TGFA: variants seen among roughly 807,000 people sequenced by gnomAD.
The protein encoded by TGFA is protransforming growth factor alpha.
TGFA carries 12 observed loss-of-function variants against 21.7 expected under a neutral mutation model. The observed-to-expected ratio is 0.55, with a 90% CI of 0.35 to 0.90. The LOEUF (loss-of-function observed/expected upper bound fraction) is 0.90. Ranked by LOEUF, TGFA falls within the 40% of genes least tolerant of loss-of-function variation. The pLI is 0.01. For missense variants in TGFA, 178 were observed against 210.8 expected (o/e 0.84, Z 0.96); for synonymous variants, 79 against 88.1 (o/e 0.90, Z 0.58).
chr2:70,497,380 T>C (rs1230611078), intron 2 of TGFA, among the ~76,000 whole-genome samples: 3 of 152,232 alleles, frequency 2.0e-5, no homozygotes, highest in Non-Finnish European at 4.4e-5. Flanking sequence ...GATCTTAACT[T>C]AGGAGGCTCA....
At chr2:70,528,091 T>C (rs1432790163) in intron 1 of TGFA, among the ~76,000 whole-genome samples, 3 of 152,220 alleles carry the variant, frequency 2.0e-5, no homozygotes, top group Non-Finnish European at 4.4e-5. Flanking sequence ...CTATGAATTC[T>C]ACCCTGCTGA....
Position 70,448,942 on chromosome 2 carries a change from A to G in TGFA, c.*1917T>C, listed in dbSNP as rs902908695. On this transcript the variant is annotated 3_prime_UTR_variant, in exon 6 of 6. Coordinates refer to ENST00000295400, the MANE Select transcript of TGFA (RefSeq NM_003236.4). ...TCTCTTGGATGCTAACTACTGATTG[A>G]TAGAGGTCTAAAAACCAGTGTCCGT... The G allele has an allele frequency of 6.6e-6, 1 of 152,210 alleles. No individual in the cohort carries two copies. Among genetic ancestry groups the G allele is most frequent in the Admixed American group, 6.5e-5 (1 of 15,284 alleles). The allele number at this position is 152,210 out of a possible 1,614,324, so 9.4% of individuals were successfully genotyped here.
chr2:70,491,233 C>T (rs782224095), intron 2 of TGFA, among the ~76,000 whole-genome samples: 2 of 152,210 alleles, frequency 1.3e-5, no homozygotes, highest in African/African-American at 4.8e-5. Flanking sequence ...GGCTATTCAG[C>T]AGCCAGGTAT....
intron 1 of TGFA, among the ~76,000 whole-genome samples, chr2:70,548,326 TAGAGG>T (rs1290989968): frequency 6.6e-6 from 1 of 151,988 alleles, no homozygotes; most frequent in African/African-American, 2.4e-5. Context: ...CTCAAACTGA[TAGAGG>T]AGAGAGGTTA....
chr2:70,507,146 A>G (rs1381865158), intron 2 of TGFA, among the ~76,000 whole-genome samples: 1 of 152,214 alleles, frequency 6.6e-6, no homozygotes, highest in Non-Finnish European at 1.5e-5. Flanking sequence ...CCCATGCTCT[A>G]GAAACAGCCG....
chr2:70,508,366 A>C (rs1299904604), intron 2 of TGFA, among the ~76,000 whole-genome samples: 1 of 152,200 alleles, frequency 6.6e-6, no homozygotes, highest in Non-Finnish European at 1.5e-5. Flanking sequence ...AATCGCTTGA[A>C]TCTGGGAGGC....
rs1278928201 is a variant in TGFA at position 70,550,373 on chromosome 2, A to G, written c.40+3355T>C. On this transcript the variant is annotated intron_variant, in intron 1 of 5. Coordinates refer to ENST00000295400, the MANE Select transcript of TGFA (RefSeq NM_003236.4). ...CAGTTTTATTATTCCCACTTTACAG[A>G]TGACAAAACTGGAACTTAGTGCTAA... Among the ~76,000 whole-genome samples, 5 of 152,148 alleles carry G rather than the reference A, an allele frequency of 3.3e-5. No individual in the cohort carries two copies. In the East Asian group the frequency reaches 9.6e-4, roughly 29 times the overall value.
At chr2:70,491,688 C>T (rs782129508) in intron 2 of TGFA, among the ~76,000 whole-genome samples, 8 of 152,240 alleles carry the variant, frequency 5.3e-5, no homozygotes, top group Non-Finnish European at 1.0e-4. Flanking sequence ...ACTGTTGGCA[C>T]TGCCTTTATT....
chr2:70,459,248 A>G (rs1553491121), intron 3 of TGFA, among the ~76,000 whole-genome samples: 1 of 152,212 alleles, frequency 6.6e-6, no homozygotes, highest in Non-Finnish European at 1.5e-5. Flanking sequence ...ATTTCATTTA[A>G]ATAAAATAGT....
chr2:70,534,727 C>G (rs936217229), intron 1 of TGFA, among the ~76,000 whole-genome samples: 3 of 152,108 alleles, frequency 2.0e-5, no homozygotes, highest in Non-Finnish European at 4.4e-5. Flanking sequence ...CTGGGAAGGG[C>G]AGTATTTCTT....
At chr2:70,453,351 T>C (rs1670121457) in intron 4 of TGFA, 24 bp from the exon 5 acceptor site, 1 of 1,607,116 alleles carries the variant, frequency 6.2e-7, no homozygotes, top group African/African-American at 1.3e-5. Flanking sequence ...GAGGACCCAG[T>C]CTGGGCAGGA....
intron 1 of TGFA, among the ~76,000 whole-genome samples, chr2:70,542,508 A>G (rs1673163234): frequency 6.6e-6 from 1 of 152,242 alleles, no homozygotes. Context: ...AGAAGTGCTG[A>G]TTTTAAAAAC....
In TGFA at chr2:70,494,267, G is replaced by A. The variant is rs188875679; in HGVS notation, c.94+20592C>T. Among the ~76,000 whole-genome samples, 10 of 152,266 alleles carry A rather than the reference G, an allele frequency of 6.6e-5. No individual in the cohort carries two copies. The East Asian group carries it at 1.9e-3, about 29-fold the overall frequency. ...ATCCAAGATACTCTTCCCATTTCAA[G>A]GTCCTTAACCCCACCTGCAAAGTCC... On this transcript the variant is annotated intron_variant, in intron 2 of 5. Transcript: ENST00000295400.
rs59567780 is a variant in TGFA, at chr2:70,521,613, G to GT, written c.41-6702dup. On this transcript the variant is annotated intron_variant, in intron 1 of 5. Coordinates refer to ENST00000295400, the MANE Select transcript of TGFA (RefSeq NM_003236.4). Reference sequence around the variant, plus strand: ...TTGATAGTTTTTTTTGTTGTTGTTTGTTTGTTTTTTTTTTTTTTTTTTTTT... The same window carrying GT: ...TTGATAGTTTTTTTTGTTGTTGTTTGTTTTGTTTTTTTTTTTTTTTTTTTTT... 3.3e-3 allele frequency among the ~76,000 whole-genome samples: 244 copies of GT among 73,988 alleles called. 7 individuals carry two copies. The highest frequency in any genetic ancestry group is 5.7e-3 in the Admixed American group (30 of 5,248). 48.5% of individuals were successfully genotyped at this position (73,988 alleles called of 152,430 possible).
intron 1 of TGFA, among the ~76,000 whole-genome samples, 153 bp from the exon 2 acceptor site, chr2:70,515,065 A>C (rs1306914938): frequency 2.0e-5 from 3 of 152,198 alleles, no homozygotes; most frequent in African/African-American, 7.2e-5. Flanking sequence ...TGTGGATATC[A>C]GTGCAAAATG....
At chr2:70,547,774 TATGTA>T (rs1673356283) in intron 1 of TGFA, among the ~76,000 whole-genome samples, 1 of 147,728 alleles carries the variant, frequency 6.8e-6, no homozygotes, top group African/African-American at 2.5e-5. Context: ...ATATGCTATA[TATGTA>T]ATATAGTATA....
intron 1 of TGFA, among the ~76,000 whole-genome samples, chr2:70,518,193 G>A (rs1672346080): frequency 6.6e-6 from 1 of 152,226 alleles, no homozygotes; most frequent in Non-Finnish European, 1.5e-5. Flanking sequence ...CTCGGGACAG[G>A]AAGGCTTCTA....
Position 70,449,592 on chromosome 2 carries a change from G to A in TGFA, c.*1267C>T. 1 of 300,222 alleles carries A rather than the reference G, an allele frequency of 3.3e-6. No homozygotes were observed. Among genetic ancestry groups the A allele is most frequent in the South Asian group, 3.0e-5 (1 of 33,760 alleles). The allele number at this position is 300,222 out of a possible 1,614,324, so 18.6% of individuals were successfully genotyped here. A position where few individuals can be genotyped will look rare whatever the true frequency, so the allele number is the denominator to read the frequency against. On this transcript the variant is annotated 3_prime_UTR_variant, in exon 6 of 6. Coordinates refer to ENST00000295400, the MANE Select transcript of TGFA (RefSeq NM_003236.4). The stretch of plus-strand genomic sequence containing the variant: ...AAGACCCACATAGTGGAGGTGACTT[G>A]TTAGAGTTTTTGTTAATAAAGCCGG...
chr2:70,488,079 T>C (rs1405050752), intron 2 of TGFA, among the ~76,000 whole-genome samples: 1 of 152,262 alleles, frequency 6.6e-6, no homozygotes, highest in Non-Finnish European at 1.5e-5. Flanking sequence ...TTTCATATGA[T>C]TATTAACATT....
Sources: gnomAD v4.1 joint callset for allele counts (sites outside exome capture counted in the v4.1 genomes callset) on GRCh38, gnomAD v4.1.1 for gene constraint, MANE v1.5 for transcripts, NCBI Gene and HGNC (gene_info 2026-07-23, HGNC 2026-07-21) for gene names.